NXPE4: variants seen among roughly 807,000 people sequenced by gnomAD.
The protein encoded by NXPE4 is NXPE family member 4.
Under a neutral mutation model 33.3 loss-of-function variants are expected in NXPE4, and 42 were observed. That is an observed-to-expected ratio of 1.26 (90% CI 0.98 to 1.63). The LOEUF (loss-of-function observed/expected upper bound fraction) is 1.63, where lower values mean the gene tolerates loss of function less well. Ranked by LOEUF, NXPE4 falls within the 40% of genes most tolerant of loss-of-function variation. NXPE4 has a pLI of 0.00. For missense variants in NXPE4, 709 were observed against 647.6 expected (o/e 1.09, Z -1.03); for synonymous variants, 253 against 234.9 (o/e 1.08, Z -0.71).
the NXPE4 span, among the ~76,000 whole-genome samples, chr11:114,608,648 T>C: frequency 1.3e-5 from 2 of 151,840 alleles, no homozygotes; most frequent in Admixed American, 1.3e-4. Flanking sequence ...GCCTCGAGGG[T>C]AACCACTGTT....
the NXPE4 span, among the ~76,000 whole-genome samples, chr11:114,629,124 A>T: frequency 5.7e-3 from 865 of 152,180 alleles, 10 homozygotes; most frequent in African/African-American, 0.019. Flanking sequence ...TCCTTCTGAA[A>T]CTATTCCAAT....
the NXPE4 span, among the ~76,000 whole-genome samples, chr11:114,618,725 C>T: frequency 6.6e-6 from 1 of 151,996 alleles, no homozygotes; most frequent in African/African-American, 2.4e-5. Context: ...AATTCTTACC[C>T]TGTGGAAAAT....
the NXPE4 span, among the ~76,000 whole-genome samples, chr11:114,677,909 A>G: frequency 6.6e-6 from 1 of 152,022 alleles, no homozygotes. Flanking sequence ...GAAAATCCTT[A>G]GTGTCATGAG....
At chr11:114,638,084 G>A in the NXPE4 span, among the ~76,000 whole-genome samples, 176 of 151,360 alleles carry the variant, frequency 1.2e-3, 2 homozygotes, top group Middle Eastern at 3.4e-3. Context: ...CATTCACCCC[G>A]TCACTTTCAG....
In NXPE4 at chr11:114,586,163, C is replaced by G. The variant is rs931355191; in HGVS notation, c.97-3142G>C. On this transcript the variant is annotated intron_variant, in intron 2 of 5. Coordinates refer to ENST00000375478, the MANE Select transcript of NXPE4 (RefSeq NM_001077639.2). The stretch of plus-strand genomic sequence containing the variant: ...CATCTATAAAATCTCCTGCACTTCA[C>G]TGTGGACCAAAAGACCCACTTAAAT... 2.6e-5 allele frequency among the ~76,000 whole-genome samples: 4 copies of G among 152,324 alleles called. No individual in the cohort carries two copies. The South Asian group carries it at 8.3e-4, about 32-fold the overall frequency.
At chr11:114,668,832 G>A in the NXPE4 span, among the ~76,000 whole-genome samples, 1 of 152,100 alleles carries the variant, frequency 6.6e-6, no homozygotes, top group South Asian at 2.1e-4. Context: ...GAAATAACTG[G>A]ACAAAATCAT....
the NXPE4 span, among the ~76,000 whole-genome samples, chr11:114,674,952 C>T: frequency 2.0e-5 from 3 of 151,706 alleles, no homozygotes; most frequent in Admixed American, 6.6e-5. Flanking sequence ...GAATGATTCA[C>T]CATAATCAAG....
chr11:114,663,305 C>T, the NXPE4 span, among the ~76,000 whole-genome samples: 49,279 of 152,026 alleles, frequency 0.32, 8,312 homozygotes, highest in East Asian at 0.41. Context: ...TCCATTGTAG[C>T]CTCAATGCTC....
the NXPE4 span, among the ~76,000 whole-genome samples, chr11:114,610,926 G>T: frequency 2.0e-5 from 3 of 151,774 alleles, no homozygotes; most frequent in African/African-American, 7.3e-5. Flanking sequence ...AATAAGTATT[G>T]CCTCGTGGGT....
chr11:114,663,397 A>C, the NXPE4 span, among the ~76,000 whole-genome samples: 1 of 152,126 alleles, frequency 6.6e-6, no homozygotes, highest in Admixed American at 6.6e-5. Context: ...AAATGGTTGC[A>C]GGTAACAAAA....
At chr11:114,580,013 G>T in intron 5 of NXPE4, 119 bp downstream of exon 5, 1 of 812,834 alleles carries the variant, frequency 1.2e-6, no homozygotes, top group Non-Finnish European at 2.0e-6. Flanking sequence ...GAAAAATTTT[G>T]GTGTGTTGTG....
At chr11:114,603,647 G>A in the NXPE4 span, among the ~76,000 whole-genome samples, 1 of 151,634 alleles carries the variant, frequency 6.6e-6, no homozygotes, top group Non-Finnish European at 1.5e-5. Flanking sequence ...ATTACCTGGT[G>A]GATGGCAAGT....
chr11:114,630,999 G>A, the NXPE4 span, among the ~76,000 whole-genome samples: 2 of 150,892 alleles, frequency 1.3e-5, no homozygotes, highest in Admixed American at 1.3e-4. Context: ...AGTTAGAATG[G>A]CAATCATTAA....
chr11:114,616,960 A>G, the NXPE4 span, among the ~76,000 whole-genome samples: 1 of 146,760 alleles, frequency 6.8e-6, no homozygotes, highest in East Asian at 1.9e-4. Context: ...ATCCACTCTT[A>G]CCCGGTTTAT....
chr11:114,640,410 T>C, the NXPE4 span, among the ~76,000 whole-genome samples: 2 of 151,342 alleles, frequency 1.3e-5, no homozygotes, highest in Non-Finnish European at 2.9e-5. Flanking sequence ...TGAATTGTGC[T>C]GCAATATATA....
chr11:114,577,844 T>C (rs1019553622), intron 5 of NXPE4, among the ~76,000 whole-genome samples: 1 of 152,226 alleles, frequency 6.6e-6, no homozygotes, highest in African/African-American at 2.4e-5. Flanking sequence ...TATTCTGTAC[T>C]TCTGTGTTTC....
chr11:114,677,085 A>T, the NXPE4 span, among the ~76,000 whole-genome samples: 1 of 152,090 alleles, frequency 6.6e-6, no homozygotes, highest in African/African-American at 2.4e-5. Flanking sequence ...TCATATAAAT[A>T]GAGTAGAATC....
the NXPE4 span, among the ~76,000 whole-genome samples, chr11:114,662,851 C>T: frequency 5.0e-3 from 759 of 152,288 alleles, 7 homozygotes; most frequent in Middle Eastern, 0.017. Flanking sequence ...CAACAGTTAT[C>T]ACCTGCTATC....
chr11:114,650,045 CA>C, the NXPE4 span, among the ~76,000 whole-genome samples: 3 of 152,200 alleles, frequency 2.0e-5, no homozygotes, highest in Non-Finnish European at 4.4e-5. Context: ...TAATAAACTT[CA>C]AAAACACTGC....
Sources: gnomAD v4.1 joint callset for allele counts (sites outside exome capture counted in the v4.1 genomes callset) on GRCh38, gnomAD v4.1.1 for gene constraint, MANE v1.5 for transcripts, NCBI Gene and HGNC (gene_info 2026-07-23, HGNC 2026-07-21) for gene names.